Variants in RYR1 observed in about 807,000 individuals in gnomAD.
The protein encoded by RYR1 is ryanodine receptor 1, also known as central core disease of muscle.
A neutral mutation model predicts 583.5 loss-of-function variants in RYR1; 342 were observed. That is an observed-to-expected ratio of 0.59 (90% CI 0.54 to 0.64). The LOEUF is 0.64. Ranked by LOEUF, RYR1 falls within the 30% of genes least tolerant of loss-of-function variation. RYR1 has a pLI of 0.00. For synonymous variants in RYR1, 2,791 were observed against 2,822.5 expected, an observed-to-expected ratio of 0.99 and a Z score of 0.35; for missense variants, 6,032 against 6,917.2, an observed-to-expected ratio of 0.87 and a Z score of 4.54.
At chr19:38,442,310 G>A (rs1403962355) in intron 2 of RYR1, 39 bp from the exon 3 acceptor site, 1 of 1,359,254 alleles carries the variant, frequency 7.4e-7, no homozygotes, top group Admixed American at 1.7e-5. Context: ...GGGTGGGGGG[G>A]TCTTCTGACC....
Position 38,586,009 on chromosome 19 carries a change from C to T in RYR1, c.14868+7C>T. 1 of 1,614,046 alleles carries T rather than the reference C, an allele frequency of 6.2e-7. No individual in the cohort carries two copies. Among genetic ancestry groups the T allele is most frequent in the Non-Finnish European group, 8.5e-7 (1 of 1,180,014 alleles). On this transcript the variant is annotated splice_region_variant and intron_variant, in intron 103 of 105. Coordinates refer to ENST00000359596, the MANE Select transcript of RYR1 (RefSeq NM_000540.3). The stretch of plus-strand genomic sequence containing the variant: ...AGTGAAGGAGGATATGGAGGTAGGT[C>T]ATGTCTGGGGGTGACCCAGAGGGAT...
chr19:38,566,116 GAGAGTA>G (rs1973413466), intron 91 of RYR1, among the ~76,000 whole-genome samples: 1 of 151,888 alleles, frequency 6.6e-6, no homozygotes, highest in Non-Finnish European at 1.5e-5. Context: ...CAGAGCCAGA[GAGAGTA>G]AGAAACCCAG....
chr19:38,443,346 A>G (rs1972784118), intron 3 of RYR1, among the ~76,000 whole-genome samples: 2 of 152,196 alleles, frequency 1.3e-5, no homozygotes, highest in African/African-American at 2.4e-5. Context: ...TGCTCCATCC[A>G]TAGGCATCTC....
intron 79 of RYR1, 120 bp downstream of exon 79, chr19:38,534,939 C>T: frequency 8.5e-7 from 1 of 1,177,430 alleles, no homozygotes; most frequent in Non-Finnish European, 1.2e-6. Flanking sequence ...TTTGCACGCA[C>T]ACCCCAGCCC....
intron 16 of RYR1, among the ~76,000 whole-genome samples, chr19:38,456,152 TTTTTA>T (rs1967374567): frequency 6.8e-6 from 1 of 146,382 alleles, no homozygotes. Context: ...TTGTATTTTT[TTTTTA>T]GTAGAGACAG....
At position 38,446,709 on chromosome 19, in the gene RYR1, G is replaced by T. The variant is rs1241863081; in HGVS notation, c.741G>T (p.Glu247Asp). 1.9e-6 allele frequency: 3 copies of T among 1,613,792 alleles called. No individual in the cohort carries two copies. The highest frequency in any genetic ancestry group is 1.3e-5 in the African/African-American group (1 of 75,010). The part of the protein sequence containing the change: ...SDDQRRLVYY[E>D]GGAVCTHARS... ...GTGTCCCCAGACTTGTCTACTATGA[G>T]GGGGGAGCTGTGTGCACTCATGCCC... is the stretch of plus-strand genomic sequence containing the variant. The change falls in exon 9 of 106, where the codon GAG becomes GAT. Residue 247 changes from glutamate to aspartate, a missense_variant. By Grantham distance (45) the Glu-to-Asp change is conservative (BLOSUM62 2). This residue lies in a region of RYR1 where 338 missense variants were observed against 441.6 expected (regional missense o/e 0.77). Transcript: ENST00000359596.
chr19:38,492,634 C>A lies in RYR1; in HGVS notation c.6272C>A (p.Pro2091His), dbSNP rs1555781055. The change falls in exon 38 of 106, where the codon CCC becomes CAC. Residue 2091 changes from proline to histidine, a missense_variant and splice_region_variant. Transcript: ENST00000359596. ...EEERSAEESK[P>H]RSLQELVSHM... ...GAGCGGTCAGCAGAGGAGAGCAAAC[C>A]CCGTGAGGACTGGGGTCACTGGGGA... The A allele has an allele frequency of 1.2e-6, 2 of 1,609,450 alleles. No individual in the cohort carries two copies. The highest frequency in any genetic ancestry group is 1.7e-6 in the Non-Finnish European group (2 of 1,177,946).
At chr19:38,439,358 C>T (rs1187347111) in intron 1 of RYR1, among the ~76,000 whole-genome samples, 1 of 152,158 alleles carries the variant, frequency 6.6e-6, no homozygotes, top group Non-Finnish European at 1.5e-5. Context: ...CGCCACCATG[C>T]CCGGGTAATT....
Position 38,483,165 on chromosome 19 carries a change from G to T in RYR1, c.4707+52G>T. ...ATGGGGCCAGGCTGAGGCAGGAGAT[G>T]TGGGGAGGCCAGGCGGGCAGAGCCA... On this transcript the variant is annotated intron_variant, in intron 32 of 105. Transcript: ENST00000359596. The surrounding 1 kb of genome is among the most constrained non-coding windows in gnomAD (Gnocchi z 6.3). The T allele has an allele frequency of 1.2e-6, 2 of 1,601,692 alleles. No homozygotes were observed. The highest frequency in any genetic ancestry group is 1.7e-6 in the Non-Finnish European group (2 of 1,168,768).
intron 25 of RYR1, among the ~76,000 whole-genome samples, chr19:38,468,129 C>T (rs1011497843): frequency 1.4e-5 from 2 of 144,716 alleles, no homozygotes; most frequent in African/African-American, 5.2e-5. Context: ...TCCATTCATC[C>T]AGCCAACATA....
intron 89 of RYR1, among the ~76,000 whole-genome samples, chr19:38,550,640 T>TG (rs1350494511): frequency 3.3e-5 from 5 of 152,056 alleles, no homozygotes; most frequent in African/African-American, 1.2e-4. Flanking sequence ...CCACCCAAAG[T>TG]GCTGGGATTA....
intron 69 of RYR1, 78 bp from the exon 70 acceptor site, chr19:38,523,837 C>A: frequency 6.3e-7 from 1 of 1,597,992 alleles, no homozygotes; most frequent in Non-Finnish European, 8.6e-7. Context: ...GGGGTGCTGG[C>A]AACTTGGAGT....
At chr19:38,534,633 A>T in intron 78 of RYR1, 87 bp from the exon 79 acceptor site, 1 of 1,152,652 alleles carries the variant, frequency 8.7e-7, no homozygotes, top group Non-Finnish European at 1.3e-6. Flanking sequence ...TGTGGCTGGA[A>T]CAGGGAGGGC....
rs377621703 is a variant in RYR1 at position 38,543,886 on chromosome 19, C to T, written c.12012+11C>T. 1.1e-4 allele frequency: 170 copies of T among 1,611,384 alleles called. No individual in the cohort carries two copies. In the African/African-American group the frequency reaches 2.0e-3, roughly 19 times the overall value. On this transcript the variant is annotated intron_variant, in intron 87 of 105. Coordinates refer to ENST00000359596, the MANE Select transcript of RYR1 (RefSeq NM_000540.3). This position sits in a 1 kb window ranked among gnomAD's most constrained non-coding sequence, Gnocchi z 4.4. ...ATGAAGCTCGCTCAGGTTCGAGCCC[C>T]TCTGGTCTCCATCCACCTGCTTCCG...
chr19:38,527,801 G>GCCTC lies in RYR1; in HGVS notation c.10824+17_10824+18insCCTC. The GCCTC allele has an allele frequency of 6.2e-7, 1 of 1,613,858 alleles. No individual in the cohort carries two copies. The highest frequency in any genetic ancestry group is 1.1e-5 in the South Asian group (1 of 91,064). On this transcript the variant is annotated intron_variant, in intron 73 of 105. Transcript: ENST00000359596. ...CTGGACCAGGTGGGTGGGGCCGGAG[G>GCCTC]GGTCTTTCTACTGGGTCTCTGGGCG...
chr19:38,577,645 A>C (rs1025470683), intron 97 of RYR1, among the ~76,000 whole-genome samples: 3 of 152,026 alleles, frequency 2.0e-5, no homozygotes, highest in African/African-American at 7.3e-5. Flanking sequence ...AAAAATACAA[A>C]ATTAGCCGGG....
At chr19:38,550,797 A>C (rs1213211424) in intron 89 of RYR1, among the ~76,000 whole-genome samples, 1 of 152,072 alleles carries the variant, frequency 6.6e-6, no homozygotes, top group African/African-American at 2.4e-5. Context: ...ATGAGGATAT[A>C]CTTTGAGGCT....
chr19:38,475,402 G>A lies in RYR1; in HGVS notation c.4245G>A (p.Val1415=). 2 of 1,613,998 alleles carry A rather than the reference G, an allele frequency of 1.2e-6. No individual in the cohort carries two copies. Among genetic ancestry groups the A allele is most frequent in the Non-Finnish European group, 1.7e-6 (2 of 1,180,012 alleles). ...PTLPRLPHDV[V]PADNRDDPEI... Reference sequence around the variant, plus strand: ...TGCCCCGACTCCCTCACGACGTGGTGCCTGCAGACAACCGCGATGACCCCG... The same window carrying A: ...TGCCCCGACTCCCTCACGACGTGGTACCTGCAGACAACCGCGATGACCCCG... The change falls in exon 29 of 106, where the codon GTG becomes GTA. Residue 1415 remains valine, a synonymous_variant. Transcript: ENST00000359596.
chr19:38,510,882 C>T (rs1031530582), intron 60 of RYR1, 101 bp downstream of exon 60: 1 of 1,539,988 alleles, frequency 6.5e-7, no homozygotes, highest in Admixed American at 1.8e-5. Flanking sequence ...TGGGTACTGA[C>T]CGTCTCCTGC....
Sources: allele counts gnomAD v4.1 joint callset (sites outside exome capture counted in the v4.1 genomes callset), GRCh38; gene constraint gnomAD v4.1.1; regional missense constraint gnomAD v4.1.1; non-coding constraint Gnocchi (gnomAD v3.1); transcripts MANE v1.5; gene names NCBI Gene and HGNC (gene_info 2026-07-23, HGNC 2026-07-21).